Variants in SUPT3H observed in about 807,000 individuals in gnomAD.
SUPT3H encodes transcription initiation protein SPT3 homolog.
SUPT3H carries 44 observed loss-of-function variants against 44.3 expected under a neutral mutation model. The observed-to-expected ratio is 0.99, with a 90% CI of 0.78 to 1.28. The LOEUF is 1.28. Ranked by LOEUF, SUPT3H falls within the 50% of genes most tolerant of loss-of-function variation. The probability of loss-of-function intolerance (pLI) is 0.00; values close to 1 mark genes in which losing one functional copy is unlikely to be tolerated. For missense variants in SUPT3H, 380 were observed against 387.1 expected (o/e 0.98, Z 0.15); for synonymous variants, 124 against 125.6 (o/e 0.99, Z 0.09).
Position 45,254,797 on chromosome 6 carries a change from C to T in SUPT3H, c.101+110404G>A, listed in dbSNP as rs1173353566. On this transcript the variant is annotated intron_variant, in intron 2 of 10. Coordinates refer to ENST00000371459, the MANE Select transcript of SUPT3H (RefSeq NM_003599.4). The stretch of plus-strand genomic sequence containing the variant: ...CCTACAGTCAACTGCAGTCTCAAAA[C>T]ATTAAACAGAAAATTCCAGAAATAA... 2.6e-5 allele frequency among the ~76,000 whole-genome samples: 4 copies of T among 152,168 alleles called. No homozygotes were observed. In the South Asian group the frequency reaches 8.3e-4, roughly 32 times the overall value.
chr6:45,346,490 C>T (rs1031917175), intron 2 of SUPT3H, among the ~76,000 whole-genome samples: 2 of 151,992 alleles, frequency 1.3e-5, no homozygotes, highest in Admixed American at 6.6e-5. Context: ...ACAAGAATTC[C>T]CTCTCTCCCA....
intron 9 of SUPT3H, among the ~76,000 whole-genome samples, chr6:44,942,567 C>T (rs1236880131): frequency 1.3e-5 from 2 of 152,046 alleles, no homozygotes; most frequent in Non-Finnish European, 2.9e-5. Flanking sequence ...AAGGGGGAGC[C>T]CCAAATTCGG....
intron 3 of SUPT3H, among the ~76,000 whole-genome samples, chr6:45,051,628 T>A (rs1317469270): frequency 6.6e-6 from 1 of 152,140 alleles, no homozygotes; most frequent in Non-Finnish European, 1.5e-5. Context: ...ACTGTAAGCA[T>A]GTTGTATTTA....
At chr6:45,329,439 GC>G (rs1183774967) in intron 2 of SUPT3H, among the ~76,000 whole-genome samples, 6 of 151,932 alleles carry the variant, frequency 3.9e-5, no homozygotes, top group African/African-American at 1.4e-4. Context: ...CTTTATAGTT[GC>G]CCAGGATATT....
At chr6:44,935,857 G>T (rs1385195376) in intron 9 of SUPT3H, among the ~76,000 whole-genome samples, 2 of 152,154 alleles carry the variant, frequency 1.3e-5, no homozygotes, top group Non-Finnish European at 2.9e-5. Context: ...TTTGCCCCTG[G>T]ATCTCTCACT....
chr6:44,907,151 C>A (rs763879811), intron 10 of SUPT3H, among the ~76,000 whole-genome samples: 3 of 152,038 alleles, frequency 2.0e-5, no homozygotes, highest in Non-Finnish European at 2.9e-5. Context: ...GTTTTTTACT[C>A]CAGAGTGTAA....
intron 2 of SUPT3H, among the ~76,000 whole-genome samples, chr6:45,229,138 T>C (rs1204419704): frequency 3.3e-5 from 5 of 152,188 alleles, no homozygotes; most frequent in African/African-American, 9.6e-5. Context: ...ATAAAAATCA[T>C]GAGTTTGGTA....
chr6:45,271,940 A>G (rs537059862), intron 2 of SUPT3H, among the ~76,000 whole-genome samples: 1 of 152,186 alleles, frequency 6.6e-6, no homozygotes, highest in African/African-American at 2.4e-5. Context: ...TTGGAGCATT[A>G]AGATTTGATG....
chr6:44,927,086 CTAAA>C (rs202157469), intron 10 of SUPT3H, among the ~76,000 whole-genome samples: 2,972 of 151,856 alleles, frequency 0.02, 57 homozygotes, highest in South Asian at 0.092. Context: ...TATTTATAAC[CTAAA>C]TAAAGAACAA....
At chr6:45,122,178 G>C (rs1251432095) in intron 2 of SUPT3H, among the ~76,000 whole-genome samples, 1 of 152,018 alleles carries the variant, frequency 6.6e-6, no homozygotes, top group Non-Finnish European at 1.5e-5. Flanking sequence ...TAAAATGCTA[G>C]AGCCTACAAT....
intron 3 of SUPT3H, among the ~76,000 whole-genome samples, chr6:45,067,827 G>T (rs1793644134): frequency 6.9e-6 from 1 of 144,848 alleles, no homozygotes. Flanking sequence ...GTGCTGGAGA[G>T]GATGTGGAGA....
intron 10 of SUPT3H, among the ~76,000 whole-genome samples, chr6:44,899,555 C>T (rs1034500388): frequency 6.6e-6 from 1 of 151,952 alleles, no homozygotes; most frequent in African/African-American, 2.4e-5. Flanking sequence ...GGTGTGGTGG[C>T]GGGAACCTGT....
intron 10 of SUPT3H, among the ~76,000 whole-genome samples, chr6:44,888,079 T>C (rs1335606948): frequency 6.6e-6 from 1 of 152,104 alleles, no homozygotes; most frequent in African/African-American, 2.4e-5. Context: ...AAGTTGAATC[T>C]CTGAATAGAC....
intron 2 of SUPT3H, chr6:45,159,273 A>G (rs1808535653): frequency 6.6e-6 from 1 of 152,194 alleles, no homozygotes; most frequent in Admixed American, 6.5e-5. Context: ...TTCCACCTCT[A>G]CAGAGGTGAA....
chr6:45,049,411 G>C (rs1789924515), intron 3 of SUPT3H, among the ~76,000 whole-genome samples: 1 of 152,166 alleles, frequency 6.6e-6, no homozygotes, highest in East Asian at 1.9e-4. Flanking sequence ...CAGGAAGTTA[G>C]GTCTACATGT....
At chr6:45,338,790 T>A (rs1015209643) in intron 2 of SUPT3H, among the ~76,000 whole-genome samples, 2 of 152,122 alleles carry the variant, frequency 1.3e-5, no homozygotes, top group Non-Finnish European at 2.9e-5. Context: ...ATGCAGCCTA[T>A]TTCTCTGGAT....
chr6:45,015,518 A>T (rs983276263), intron 4 of SUPT3H, among the ~76,000 whole-genome samples: 3 of 152,140 alleles, frequency 2.0e-5, no homozygotes, highest in Middle Eastern at 3.4e-3. Flanking sequence ...CTTTATTTTT[A>T]AAAAAGCTGT....
At chr6:45,226,069 T>TA (rs1766882578) in intron 2 of SUPT3H, among the ~76,000 whole-genome samples, 1 of 152,190 alleles carries the variant, frequency 6.6e-6, no homozygotes, top group South Asian at 2.1e-4. Context: ...ATACATTATA[T>TA]TAAGCACTTA....
intron 6 of SUPT3H, among the ~76,000 whole-genome samples, chr6:44,969,141 C>A (rs967072327): frequency 6.6e-6 from 1 of 152,078 alleles, no homozygotes; most frequent in South Asian, 2.1e-4. Flanking sequence ...AGTATTATAC[C>A]CCTTCCTGCA....
Sources: allele counts gnomAD v4.1 joint callset (sites outside exome capture counted in the v4.1 genomes callset), GRCh38; gene constraint gnomAD v4.1.1; transcripts MANE v1.5; gene names NCBI Gene and HGNC (gene_info 2026-07-23, HGNC 2026-07-21).